RAP1GAP2: variants seen among roughly 807,000 people sequenced by gnomAD.
The protein encoded by RAP1GAP2 is RAP1 GTPase activating protein 2, also known as rap1 GTPase-activating protein 2.
Under a neutral mutation model 95.0 loss-of-function variants are expected in RAP1GAP2, and 27 were observed. The ratio of observed to expected loss-of-function variants is 0.28; its 90% CI spans 0.21 to 0.39. RAP1GAP2 has a LOEUF of 0.39. Among genes scored for constraint, RAP1GAP2 ranks in the 10% least tolerant of loss-of-function variants. The pLI is 1.00. For missense variants in RAP1GAP2, 771 were observed against 970.0 expected (o/e 0.79, Z 2.72); for synonymous variants, 373 against 380.9 (o/e 0.98, Z 0.24).
At chr17:2,794,144 T>C (rs530809823), upstream of RAP1GAP2, among the ~76,000 whole-genome samples, 1 of 151,746 alleles carries the variant, frequency 6.6e-6, no homozygotes, top group Non-Finnish European at 1.5e-5. Flanking sequence ...TCTCTGTCAG[T>C]TCTCTTCTCT....
At chr17:3,026,249 G>A (rs1323683835) in intron 20 of RAP1GAP2, 101 bp from the exon 21 acceptor site, 4 of 1,308,552 alleles carry the variant, frequency 3.1e-6, no homozygotes, top group Admixed American at 2.0e-5. Context: ...AAAGGCCGAC[G>A]GGTGGGGGCG....
intron 17 of RAP1GAP2, among the ~76,000 whole-genome samples, chr17:3,013,432 G>A (rs961591136): frequency 2.0e-5 from 3 of 152,112 alleles, no homozygotes; most frequent in African/African-American, 4.8e-5. Flanking sequence ...TCGGAGTCAT[G>A]GTCTCTTGGA....
chr17:2,999,135 G>A (rs2046069273), intron 14 of RAP1GAP2, among the ~76,000 whole-genome samples: 1 of 152,168 alleles, frequency 6.6e-6, no homozygotes, highest in Admixed American at 6.5e-5. Flanking sequence ...ATCCTCACCG[G>A]TGCAGATGAC....
chr17:2,776,135 C>G (rs1185672358), upstream of RAP1GAP2, among the ~76,000 whole-genome samples: 1 of 152,066 alleles, frequency 6.6e-6, no homozygotes, highest in African/African-American at 2.4e-5. Flanking sequence ...GCCGAGATCG[C>G]GCCACTGCAC....
rs934499422 is a variant in RAP1GAP2 at position 3,033,658 on chromosome 17, A to G, written c.*297A>G. The G allele has an allele frequency of 1.3e-5, 2 of 152,578 alleles. No individual in the cohort carries two copies. The highest frequency in any genetic ancestry group is 1.3e-4 in the Admixed American group (2 of 15,258). 9.5% of individuals were successfully genotyped at this position (152,578 alleles called of 1,614,324 possible). A position where few individuals can be genotyped will look rare whatever the true frequency, so the allele number is the denominator to read the frequency against. Reference sequence around the variant, plus strand: ...TGATGTCCGGGTCCTTTATCATCCTATTCATCCTGGAGAGGAAAAGTGTCG... The same window carrying G: ...TGATGTCCGGGTCCTTTATCATCCTGTTCATCCTGGAGAGGAAAAGTGTCG... On this transcript the variant is annotated 3_prime_UTR_variant, in exon 25 of 25. Transcript: ENST00000254695. This position sits in a 1 kb window ranked among gnomAD's most constrained non-coding sequence, Gnocchi z 4.9.
intron 1 of RAP1GAP2, among the ~76,000 whole-genome samples, chr17:2,785,074 T>C (rs939999671): frequency 6.6e-6 from 1 of 152,228 alleles, no homozygotes; most frequent in Non-Finnish European, 1.5e-5. Context: ...CTTGCTGGCC[T>C]CAGGGAGGAA....
chr17:2,803,034 A>G (rs922831777), intron 2 of RAP1GAP2, among the ~76,000 whole-genome samples: 3 of 152,198 alleles, frequency 2.0e-5, no homozygotes, highest in Non-Finnish European at 4.4e-5. Context: ...CAGAGCTGCT[A>G]AGGGGTGTAG....
chr17:2,796,700 C>T lies in RAP1GAP2; in HGVS notation c.44+129C>T. 9.3e-7 allele frequency: 1 copy of T among 1,077,404 alleles called. No individual in the cohort carries two copies. The highest frequency in any genetic ancestry group is 1.6e-5 in the African/African-American group (1 of 64,088). 66.7% of individuals were successfully genotyped at this position (1,077,404 alleles called of 1,614,324 possible). A position where few individuals can be genotyped will look rare whatever the true frequency, so the allele number is the denominator to read the frequency against. On this transcript the variant is annotated intron_variant, in intron 1 of 24. Transcript: ENST00000254695. The surrounding 1 kb of genome is among the most constrained non-coding windows in gnomAD (Gnocchi z 4.7). ...CCTGAGAGCTGGGTCTGCTGACGCCCTGGCAGGTCGAGATGCAGGATCCTG... is the reference window on the plus strand; with the variant it reads ...CCTGAGAGCTGGGTCTGCTGACGCCTTGGCAGGTCGAGATGCAGGATCCTG...
At chr17:2,953,565 G>C (rs1024503376) in intron 3 of RAP1GAP2, among the ~76,000 whole-genome samples, 1 of 152,066 alleles carries the variant, frequency 6.6e-6, no homozygotes, top group African/African-American at 2.4e-5. Context: ...TGTACAATTT[G>C]GCCGGGTACG....
chr17:2,868,168 T>C (rs1371851783), intron 2 of RAP1GAP2, among the ~76,000 whole-genome samples: 1 of 152,132 alleles, frequency 6.6e-6, no homozygotes, highest in Non-Finnish European at 1.5e-5. Context: ...ATTCCTTGAA[T>C]ACAGATTGCC....
intron 3 of RAP1GAP2, among the ~76,000 whole-genome samples, chr17:2,943,458 A>C (rs561993255): frequency 1.3e-3 from 195 of 151,480 alleles, no homozygotes; most frequent in Non-Finnish European, 2.4e-3. Context: ...AGATCATCTG[A>C]GGTCAGGAGT....
chr17:2,880,936 G>T (rs2073261719), intron 2 of RAP1GAP2, among the ~76,000 whole-genome samples: 1 of 152,066 alleles, frequency 6.6e-6, no homozygotes, highest in South Asian at 2.1e-4. Flanking sequence ...AGACCAGCCT[G>T]TCCAACATGG....
intron 18 of RAP1GAP2, 55 bp downstream of exon 18, chr17:3,018,253 G>A (rs981132767): frequency 1.5e-5 from 22 of 1,510,006 alleles, no homozygotes; most frequent in Non-Finnish European, 1.9e-5. Flanking sequence ...GCCCCCCCCA[G>A]ACCTATGGAG....
chr17:2,851,334 G>A (rs1311841102), intron 2 of RAP1GAP2, among the ~76,000 whole-genome samples: 1 of 152,166 alleles, frequency 6.6e-6, no homozygotes, highest in Non-Finnish European at 1.5e-5. Flanking sequence ...TACTGTACAT[G>A]TTTAATAAAT....
intron 2 of RAP1GAP2, among the ~76,000 whole-genome samples, chr17:2,801,565 G>A (rs549718267): frequency 5.3e-5 from 8 of 150,266 alleles, no homozygotes; most frequent in Middle Eastern, 3.4e-3. Flanking sequence ...GACATTCCCC[G>A]CCTACTAGGA....
chr17:2,939,312 A>G (rs2151427436), intron 3 of RAP1GAP2, among the ~76,000 whole-genome samples: 1 of 152,028 alleles, frequency 6.6e-6, no homozygotes, highest in East Asian at 1.9e-4. Flanking sequence ...CTGGTCTCGA[A>G]CTCCTGACCT....
chr17:2,783,716 C>A (rs1567645211), intron 1 of RAP1GAP2, among the ~76,000 whole-genome samples: 1 of 152,230 alleles, frequency 6.6e-6, no homozygotes, highest in Non-Finnish European at 1.5e-5. Context: ...GGGCAGGGTT[C>A]AGTGGGGATA....
At position 2,903,587 on chromosome 17, in the gene RAP1GAP2, C is replaced by T. The variant is rs957613019; in HGVS notation, c.81-1697C>T. 6.6e-6 allele frequency among the ~76,000 whole-genome samples: 1 copy of T among 152,200 alleles called. No homozygotes were observed. The highest frequency in any genetic ancestry group is 2.1e-4 in the South Asian group (1 of 4,832). ...TGGATCAGGCGGGAGAGTCCCCCCT[C>T]TCCAGCCATCAAAACTTACATCAAC... is the stretch of plus-strand genomic sequence containing the variant. On this transcript the variant is annotated intron_variant, in intron 2 of 24. Coordinates refer to ENST00000254695, the MANE Select transcript of RAP1GAP2 (RefSeq NM_015085.5). The surrounding 1 kb of genome is among the most constrained non-coding windows in gnomAD (Gnocchi z 4.1).
At chr17:2,898,523 C>G (rs1304830345) in intron 2 of RAP1GAP2, among the ~76,000 whole-genome samples, 1 of 152,240 alleles carries the variant, frequency 6.6e-6, no homozygotes, top group East Asian at 1.9e-4. Flanking sequence ...TGTCTGTCCC[C>G]TTGGGGCTTG....
Sources: gnomAD v4.1 joint callset for allele counts (sites outside exome capture counted in the v4.1 genomes callset) on GRCh38, gnomAD v4.1.1 for gene constraint, Gnocchi (gnomAD v3.1) non-coding constraint, MANE v1.5 for transcripts, NCBI Gene and HGNC (gene_info 2026-07-23, HGNC 2026-07-21) for gene names.